The following THSD4 variants were observed in gnomAD, a reference collection of about 807,000 sequenced individuals.
The protein encoded by THSD4 is thrombospondin type 1 domain containing 4.
THSD4 carries 69 observed loss-of-function variants against 119.0 expected under a neutral mutation model. The observed-to-expected ratio is 0.58, with a 90% CI of 0.48 to 0.71. The LOEUF is 0.71. THSD4 is among the 30% of genes least tolerant of loss of function. The pLI, the probability that THSD4 is intolerant of heterozygous loss-of-function variation, is 0.00. For missense variants in THSD4, 1,393 were observed against 1,391.1 expected (o/e 1.00, Z -0.02); for synonymous variants, 524 against 540.4 (o/e 0.97, Z 0.42).
intron 2 of THSD4, chr15:71,147,844 C>T (rs944270709): frequency 5.9e-5 from 9 of 152,012 alleles, no homozygotes; most frequent in African/African-American, 2.2e-4. Context: ...GTTGCATACA[C>T]CTGTGGTCCC....
rs554619715 is a variant in THSD4, at chr15:71,244,917, G to A, written c.912+1821G>A. On this transcript the variant is annotated intron_variant, in intron 5 of 17. Transcript: ENST00000261862. ...GAGAAAGTAAAAGAGAGGGCATTTG[G>A]CATCCGTGTGGAGCTGATGCCCGCT... Among the ~76,000 whole-genome samples the A allele has an allele frequency of 2.6e-5, 4 of 152,292 alleles. No individual in the cohort carries two copies. The East Asian group carries it at 5.8e-4, about 22-fold the overall frequency.
chr15:71,130,157 A>G (rs2040490561), intron 1 of THSD4, among the ~76,000 whole-genome samples: 4 of 152,148 alleles, frequency 2.6e-5, no homozygotes. Context: ...GGTACATTTG[A>G]TGCAGTGTGT....
chr15:71,201,258 A>G (rs1285456911), intron 3 of THSD4, among the ~76,000 whole-genome samples: 1 of 152,208 alleles, frequency 6.6e-6, no homozygotes, highest in African/African-American at 2.4e-5. Context: ...ACTTCTGCTC[A>G]CCAATAAACA....
intron 7 of THSD4, among the ~76,000 whole-genome samples, chr15:71,425,636 G>A (rs1195639296): frequency 6.6e-6 from 1 of 152,200 alleles, no homozygotes; most frequent in African/African-American, 2.4e-5. Flanking sequence ...GGGAATGTAT[G>A]TGCTGTCCCG....
At chr15:71,743,592 T>A (rs913480641) in intron 11 of THSD4, among the ~76,000 whole-genome samples, 2 of 152,254 alleles carry the variant, frequency 1.3e-5, no homozygotes, top group African/African-American at 4.8e-5. Context: ...CCATTAACTT[T>A]ACAGTCAGTA....
chr15:71,375,177 A>G (rs1021008834), intron 6 of THSD4, among the ~76,000 whole-genome samples: 1 of 152,224 alleles, frequency 6.6e-6, no homozygotes, highest in Non-Finnish European at 1.5e-5. Flanking sequence ...GATTGTGTAC[A>G]CTAAAGATGA....
chr15:71,180,623 C>T (rs574764170), intron 3 of THSD4, among the ~76,000 whole-genome samples: 4 of 152,098 alleles, frequency 2.6e-5, no homozygotes, highest in South Asian at 4.1e-4. Flanking sequence ...AAGCAACAAC[C>T]GAAATAATTT....
In THSD4 at chr15:71,660,514, TTCTG is replaced by T. The variant is rs1567086900; in HGVS notation, c.1153-12_1153-9del. 2.5e-6 allele frequency: 4 copies of T among 1,614,006 alleles called. No individual in the cohort carries two copies. The highest frequency in any genetic ancestry group is 2.7e-5 in the African/African-American group (2 of 75,056). Reference sequence around the variant, plus strand: ...TGATACATACTATGAGTCTTTTGTTTTCTGTCTTTTTGCAGAGCATTGGCTGTGA... The same window carrying T: ...TGATACATACTATGAGTCTTTTGTTTTCTTTTTGCAGAGCATTGGCTGTGA... On this transcript the variant is annotated splice_polypyrimidine_tract_variant and intron_variant, in intron 7 of 17. Transcript: ENST00000261862.
upstream of THSD4, among the ~76,000 whole-genome samples, chr15:71,113,193 T>C (rs2040320537): frequency 6.6e-6 from 1 of 152,124 alleles, no homozygotes; most frequent in African/African-American, 2.4e-5. Flanking sequence ...TCTCTCAAAA[T>C]AAATAAACAA....
At chr15:71,192,733 C>G (rs1035461038) in intron 3 of THSD4, among the ~76,000 whole-genome samples, 1 of 152,092 alleles carries the variant, frequency 6.6e-6, no homozygotes, top group Non-Finnish European at 1.5e-5. Flanking sequence ...CTAGAGCTGA[C>G]CTTCCTAGAG....
chr15:71,566,308 T>TA (rs1191366624), intron 7 of THSD4, among the ~76,000 whole-genome samples: 1 of 152,108 alleles, frequency 6.6e-6, no homozygotes, highest in East Asian at 1.9e-4. Context: ...TAGCTATAAG[T>TA]AAAAATACCC....
intron 7 of THSD4, among the ~76,000 whole-genome samples, chr15:71,471,910 A>G (rs1309954438): frequency 1.3e-5 from 2 of 151,960 alleles, no homozygotes; most frequent in East Asian, 3.9e-4. Flanking sequence ...GCTTAAGTAC[A>G]TTGGTGTTTT....
chr15:71,256,582 C>T (rs762899617), intron 5 of THSD4, 31 bp from the exon 6 acceptor site: 8 of 1,586,572 alleles, frequency 5.0e-6, no homozygotes, highest in Admixed American at 1.7e-5. Flanking sequence ...AGTATGGACA[C>T]TAATTGCATA....
At chr15:71,571,099 G>A (rs1036846192) in intron 7 of THSD4, among the ~76,000 whole-genome samples, 5 of 152,170 alleles carry the variant, frequency 3.3e-5, no homozygotes, top group African/African-American at 1.2e-4. Context: ...CACCGTGTCG[G>A]CGGAACATGT....
At chr15:71,380,866 CATATT>C (rs1293237729) in intron 6 of THSD4, among the ~76,000 whole-genome samples, 3 of 152,162 alleles carry the variant, frequency 2.0e-5, no homozygotes, top group African/African-American at 7.2e-5. Context: ...CTTCCGTAAG[CATATT>C]ATATTATGCA....
chr15:71,490,737 A>T (rs1052489229), intron 7 of THSD4, among the ~76,000 whole-genome samples: 3 of 152,164 alleles, frequency 2.0e-5, no homozygotes, highest in African/African-American at 4.8e-5. Flanking sequence ...TCAAAAAAAT[A>T]AATTAATTAA....
intron 3 of THSD4, among the ~76,000 whole-genome samples, chr15:71,197,288 G>C (rs565894956): frequency 6.6e-6 from 1 of 152,318 alleles, no homozygotes; most frequent in Admixed American, 6.5e-5. Flanking sequence ...AAATAAGAGA[G>C]GAAAGGACTG....
intron 7 of THSD4, among the ~76,000 whole-genome samples, chr15:71,492,283 G>A (rs1017917005): frequency 2.6e-5 from 4 of 151,370 alleles, no homozygotes; most frequent in Non-Finnish European, 5.9e-5. Context: ...TTTTATTTTC[G>A]AGATGGAGTC....
At chr15:71,523,480 CT>C (rs2048472435) in intron 7 of THSD4, among the ~76,000 whole-genome samples, 1 of 152,172 alleles carries the variant, frequency 6.6e-6, no homozygotes, top group South Asian at 2.1e-4. Context: ...TGCAAAGACC[CT>C]TTTTCCAAAT....
Sources: gnomAD v4.1 joint callset for allele counts (sites outside exome capture counted in the v4.1 genomes callset) on GRCh38, gnomAD v4.1.1 for gene constraint, MANE v1.5 for transcripts, NCBI Gene and HGNC (gene_info 2026-07-23, HGNC 2026-07-21) for gene names.